Variants in CSMD1 observed in about 807,000 individuals in gnomAD.
CSMD1 encodes CUB and Sushi multiple domains 1.
CSMD1 carries 213 observed loss-of-function variants against 417.5 expected under a neutral mutation model. The ratio of observed to expected loss-of-function variants is 0.51; its 90% confidence interval spans 0.46 to 0.57. The LOEUF (loss-of-function observed/expected upper bound fraction) is 0.57, where lower values mean the gene tolerates loss of function less well. Ranked by LOEUF, CSMD1 falls within the 20% of genes least tolerant of loss-of-function variation. The probability of loss-of-function intolerance (pLI) is 0.00; values close to 1 mark genes in which losing one functional copy is unlikely to be tolerated. For synonymous variants in CSMD1, 2,862 were observed against 1,736.8 expected, an observed-to-expected ratio of 1.65 and a Z score of -16.11; for missense variants, 6,923 against 4,529.7, an observed-to-expected ratio of 1.53 and a Z score of -15.17.
chr8:4,295,591 T>G (rs896871738), intron 3 of CSMD1, among the ~76,000 whole-genome samples: 6 of 145,132 alleles, frequency 4.1e-5, no homozygotes, highest in African/African-American at 9.9e-5. Context: ...TATTAAGGGC[T>G]TAAGATTATA....
At chr8:4,682,449 T>A (rs955618151) in intron 1 of CSMD1, among the ~76,000 whole-genome samples, 4 of 152,178 alleles carry the variant, frequency 2.6e-5, no homozygotes, top group African/African-American at 9.6e-5. Flanking sequence ...TGAATTTTTT[T>A]TCATAGGAAT....
At chr8:4,216,409 G>C (rs150220122) in intron 3 of CSMD1, among the ~76,000 whole-genome samples, 6 of 152,266 alleles carry the variant, frequency 3.9e-5, no homozygotes, top group African/African-American at 9.6e-5. Flanking sequence ...TGTGTGCATG[G>C]TAAAATTAAT....
chr8:4,058,221 T>C (rs1324052460), intron 3 of CSMD1, among the ~76,000 whole-genome samples: 1 of 152,238 alleles, frequency 6.6e-6, no homozygotes, highest in South Asian at 2.1e-4. Context: ...GAGCAGTGGT[T>C]TGTAGTTCTC....
intron 4 of CSMD1, among the ~76,000 whole-genome samples, chr8:4,008,592 C>CTTTT (rs1201409236): frequency 2.3e-5 from 2 of 86,582 alleles, no homozygotes; most frequent in African/African-American, 8.5e-5. Flanking sequence ...TATTTTCTTT[C>CTTTT]TTTTTTTCTT....
intron 5 of CSMD1, among the ~76,000 whole-genome samples, chr8:3,765,994 G>A (rs1044586776): frequency 6.6e-6 from 1 of 152,238 alleles, no homozygotes; most frequent in Non-Finnish European, 1.5e-5. Flanking sequence ...CAGGCAGAGA[G>A]GATCATTTGG....
chr8:3,822,783 G>C (rs905053195), intron 5 of CSMD1, among the ~76,000 whole-genome samples: 1 of 152,170 alleles, frequency 6.6e-6, no homozygotes, highest in African/African-American at 2.4e-5. Flanking sequence ...AGAGAGGATG[G>C]ATAGTTGATT....
At chr8:4,724,304 G>C (rs556615084) in intron 1 of CSMD1, among the ~76,000 whole-genome samples, 1 of 151,960 alleles carries the variant, frequency 6.6e-6, no homozygotes, top group Non-Finnish European at 1.5e-5. Context: ...TGTAAACATA[G>C]GGTTATCTAT....
At chr8:4,415,203 G>C (rs115688791) in intron 3 of CSMD1, among the ~76,000 whole-genome samples, 2 of 152,060 alleles carry the variant, frequency 1.3e-5, no homozygotes, top group East Asian at 1.9e-4. Context: ...CCAGGCTCAG[G>C]ATCATCCGCC....
intron 7 of CSMD1, among the ~76,000 whole-genome samples, chr8:3,625,071 GT>G (rs11371258): frequency 0.028 from 4,175 of 150,456 alleles, 81 homozygotes; most frequent in Middle Eastern, 0.079. Flanking sequence ...ATGCATAACA[GT>G]TTTTTTTTTA....
At chr8:4,226,611 T>A (rs575666116) in intron 3 of CSMD1, among the ~76,000 whole-genome samples, 1 of 152,220 alleles carries the variant, frequency 6.6e-6, no homozygotes, top group Non-Finnish European at 1.5e-5. Flanking sequence ...TGCATTGATA[T>A]TCTATAACAT....
At chr8:4,323,507 A>G (rs1799384937) in intron 3 of CSMD1, among the ~76,000 whole-genome samples, 1 of 152,088 alleles carries the variant, frequency 6.6e-6, no homozygotes, top group Non-Finnish European at 1.5e-5. Flanking sequence ...CTGTTATCAG[A>G]AATGTTGCCT....
chr8:4,809,819 C>G (rs886964405), intron 1 of CSMD1, among the ~76,000 whole-genome samples: 12 of 152,144 alleles, frequency 7.9e-5, no homozygotes, highest in African/African-American at 2.7e-4. Flanking sequence ...TAGTACATAT[C>G]ATTGTGGACC....
intron 54 of CSMD1, among the ~76,000 whole-genome samples, chr8:2,982,066 G>C (rs765250274): frequency 6.6e-6 from 1 of 152,042 alleles, no homozygotes; most frequent in Non-Finnish European, 1.5e-5. Context: ...ATACGAATAT[G>C]GGTAACAGGC....
At chr8:3,535,773 C>A (rs1053904098) in intron 10 of CSMD1, among the ~76,000 whole-genome samples, 3 of 152,148 alleles carry the variant, frequency 2.0e-5, no homozygotes, top group Admixed American at 1.3e-4. Context: ...TTCACACCTT[C>A]CCACATGCTT....
Position 4,334,062 on chromosome 8 carries a change from T to TATG in CSMD1, c.415+85888_415+85890dup, listed in dbSNP as rs560964262. Among the ~76,000 whole-genome samples, 1,274 of 151,574 alleles carry TATG rather than the reference T, an allele frequency of 8.4e-3. 8 individuals carry two copies. Among genetic ancestry groups the TATG allele is most frequent in the African/African-American group, 0.024 (978 of 41,296 alleles). On this transcript the variant is annotated intron_variant, in intron 3 of 69. Transcript: ENST00000635120. ...CCCACCACAACATCGTTTCATTAATTATGATGATGATGATGATGATGATGA... is the reference window on the plus strand; with the variant it reads ...CCCACCACAACATCGTTTCATTAATTATGATGATGATGATGATGATGATGATGA...
intron 3 of CSMD1, among the ~76,000 whole-genome samples, chr8:4,347,011 A>G (rs1472536084): frequency 5.3e-5 from 8 of 152,308 alleles, no homozygotes; most frequent in Non-Finnish European, 8.8e-5. Context: ...GCTCCAGGAT[A>G]CTTAAAGTTT....
intron 5 of CSMD1, among the ~76,000 whole-genome samples, chr8:3,785,338 G>C (rs1198093788): frequency 6.6e-6 from 1 of 152,114 alleles, no homozygotes; most frequent in Non-Finnish European, 1.5e-5. Flanking sequence ...CCCCGGGCAA[G>C]GCCTCAGTCA....
At chr8:3,273,783 C>T (rs1802058895) in intron 26 of CSMD1, among the ~76,000 whole-genome samples, 1 of 138,680 alleles carries the variant, frequency 7.2e-6, no homozygotes, top group Non-Finnish European at 1.6e-5. Context: ...GTGATATCCC[C>T]TTTATCATTT....
chr8:4,006,366 A>T (rs2130399537), intron 4 of CSMD1, among the ~76,000 whole-genome samples: 1 of 152,312 alleles, frequency 6.6e-6, no homozygotes, highest in African/African-American at 2.4e-5. Flanking sequence ...CAACATGGTG[A>T]AACCCTGTCT....
Sources: allele counts gnomAD v4.1 joint callset (sites outside exome capture counted in the v4.1 genomes callset), GRCh38; gene constraint gnomAD v4.1.1; transcripts MANE v1.5; gene names NCBI Gene and HGNC (gene_info 2026-07-23, HGNC 2026-07-21).